Variants in PARD3B observed in about 807,000 individuals in gnomAD.
PARD3B encodes the protein partitioning defective 3 homolog B.
In PARD3B, 103 loss-of-function variants were observed where a neutral mutation model predicts 130.2. The observed-to-expected ratio is 0.79, with a 90% CI of 0.67 to 0.93. The LOEUF (loss-of-function observed/expected upper bound fraction) is 0.93. Ranked by LOEUF, PARD3B falls within the 40% of genes least tolerant of loss-of-function variation. The pLI, the probability that PARD3B is intolerant of heterozygous loss-of-function variation, is 0.00. For synonymous variants in PARD3B, 583 were observed against 553.2 expected (o/e 1.05, Z -0.76); for missense variants, 1,609 against 1,499.2 (o/e 1.07, Z -1.21).
At chr2:204,950,798 A>G (rs1689704282) in intron 2 of PARD3B, among the ~76,000 whole-genome samples, 1 of 152,170 alleles carries the variant, frequency 6.6e-6, no homozygotes, top group South Asian at 2.1e-4. Context: ...ATTGCAGAAG[A>G]TATCTCATAG....
At chr2:204,723,209 T>G (rs2039074146) in intron 2 of PARD3B, among the ~76,000 whole-genome samples, 1 of 152,186 alleles carries the variant, frequency 6.6e-6, no homozygotes, top group African/African-American at 2.4e-5. Flanking sequence ...GTAGATTGGT[T>G]TTAAGTTGAC....
chr2:204,948,910 C>T (rs1689547950), intron 2 of PARD3B, among the ~76,000 whole-genome samples: 1 of 151,928 alleles, frequency 6.6e-6, no homozygotes, highest in Non-Finnish European at 1.5e-5. Flanking sequence ...CCTATACAAA[C>T]AAAATAAATT....
chr2:204,724,472 A>C (rs2039130701), intron 2 of PARD3B, among the ~76,000 whole-genome samples: 2 of 152,174 alleles, frequency 1.3e-5, no homozygotes, highest in African/African-American at 4.8e-5. Flanking sequence ...TCATCTAGGT[A>C]TTCCCTCACT....
chr2:205,520,759 TA>T (rs1358489568), intron 21 of PARD3B, among the ~76,000 whole-genome samples: 5 of 152,112 alleles, frequency 3.3e-5, no homozygotes, highest in South Asian at 2.1e-4. Flanking sequence ...ATTTAAGTCA[TA>T]TTTTTTTACT....
At chr2:205,612,207 T>C (rs908392531) in intron 22 of PARD3B, among the ~76,000 whole-genome samples, 2 of 152,198 alleles carry the variant, frequency 1.3e-5, no homozygotes, top group Non-Finnish European at 2.9e-5. Flanking sequence ...AGATGGAGTG[T>C]AGCGGCACAA....
intron 3 of PARD3B, among the ~76,000 whole-genome samples, chr2:204,972,807 C>T (rs762071055): frequency 6.6e-6 from 1 of 152,114 alleles, no homozygotes; most frequent in South Asian, 2.1e-4. Flanking sequence ...AATAAACAAA[C>T]GGAATGAAAG....
intron 1 of PARD3B, among the ~76,000 whole-genome samples, chr2:204,557,861 T>G (rs1471985636): frequency 6.6e-6 from 1 of 152,210 alleles, no homozygotes; most frequent in East Asian, 1.9e-4. Flanking sequence ...TCTGTAGTTA[T>G]GGATTTTCCA....
At chr2:204,617,033 C>G (rs771746855) in intron 1 of PARD3B, among the ~76,000 whole-genome samples, 7 of 152,046 alleles carry the variant, frequency 4.6e-5, no homozygotes, top group Non-Finnish European at 7.4e-5. Context: ...CTTTAAAAAC[C>G]CATGCCAAAG....
intron 1 of PARD3B, among the ~76,000 whole-genome samples, chr2:204,576,223 A>G (rs2032251292): frequency 6.6e-6 from 1 of 152,116 alleles, no homozygotes; most frequent in Non-Finnish European, 1.5e-5. Context: ...GGGTGCCCTA[A>G]AGAGAACTGC....
chr2:204,873,686 A>G (rs2045724753), intron 2 of PARD3B, among the ~76,000 whole-genome samples: 1 of 152,222 alleles, frequency 6.6e-6, no homozygotes, highest in South Asian at 2.1e-4. Flanking sequence ...GAGTAGCTAG[A>G]AACAGCCCTG....
chr2:204,996,625 G>C (rs1303428307), intron 3 of PARD3B, among the ~76,000 whole-genome samples: 10 of 150,568 alleles, frequency 6.6e-5, no homozygotes, highest in African/African-American at 4.9e-5. Context: ...CGAGCTTCCC[G>C]GCTGCTTTGT....
At chr2:204,832,697 G>A (rs577788189) in intron 2 of PARD3B, among the ~76,000 whole-genome samples, 35 of 152,182 alleles carry the variant, frequency 2.3e-4, no homozygotes, top group Non-Finnish European at 4.1e-4. Flanking sequence ...GAGTAGTGAG[G>A]AACCTCTTTA....
At chr2:204,666,554 A>G (rs1460871811) in intron 1 of PARD3B, among the ~76,000 whole-genome samples, 2 of 152,122 alleles carry the variant, frequency 1.3e-5, no homozygotes. Flanking sequence ...CTTGGCCCAG[A>G]GAGTAGTTGT....
chr2:205,478,322 G>A (rs2049099562), intron 20 of PARD3B, among the ~76,000 whole-genome samples: 2 of 152,098 alleles, frequency 1.3e-5, no homozygotes, highest in Non-Finnish European at 2.9e-5. Context: ...CCTTTACTAG[G>A]CCCAACCAGT....
chr2:205,083,001 C>T (rs1289843440), intron 4 of PARD3B, among the ~76,000 whole-genome samples: 4 of 150,122 alleles, frequency 2.7e-5, no homozygotes, highest in Non-Finnish European at 5.9e-5. Flanking sequence ...CTCACTGCAA[C>T]CTCTGCCTAC....
rs145866406 is a variant in PARD3B at position 204,617,760 on chromosome 2, A to G, written c.121-68421A>G. Among the ~76,000 whole-genome samples, 152 of 152,196 alleles carry G rather than the reference A, an allele frequency of 1.0e-3. 1 individual carries two copies. The highest frequency in any genetic ancestry group is 3.9e-3 in the Admixed American group (60 of 15,274). On this transcript the variant is annotated intron_variant, in intron 1 of 22. Transcript: ENST00000406610. ...CCTTCTTTGTGTCCATGTGTACTCA[A>G]TGTTCAGCTTCCACTTATAAGTGAC...
At chr2:205,437,112 G>A (rs2047544322) in intron 19 of PARD3B, among the ~76,000 whole-genome samples, 1 of 152,116 alleles carries the variant, frequency 6.6e-6, no homozygotes, top group Non-Finnish European at 1.5e-5. Context: ...CATGGCTGGA[G>A]ATGCAGCCAT....
chr2:205,219,552 C>T (rs984988973), intron 15 of PARD3B, among the ~76,000 whole-genome samples: 6 of 151,978 alleles, frequency 3.9e-5, no homozygotes, highest in East Asian at 1.9e-4. Flanking sequence ...TACTTCAATT[C>T]GTGCCAGAAG....
At position 204,687,093 on chromosome 2, in the gene PARD3B, C is replaced by G. The variant is rs181204545; in HGVS notation, c.222+811C>G. 3.6e-3 allele frequency among the ~76,000 whole-genome samples: 544 copies of G among 152,068 alleles called. 5 individuals carry two copies. Among genetic ancestry groups the G allele is most frequent in the African/African-American group, 0.012 (509 of 41,508 alleles). On this transcript the variant is annotated intron_variant, in intron 2 of 22. Transcript: ENST00000406610. The stretch of plus-strand genomic sequence containing the variant: ...AATTTATATTTGGAAACATGTTTCT[C>G]TATATTTTTTCCCTGTAATCTCAGG...
Sources: allele counts gnomAD v4.1 joint callset (sites outside exome capture counted in the v4.1 genomes callset), GRCh38; gene constraint gnomAD v4.1.1; transcripts MANE v1.5; gene names NCBI Gene and HGNC (gene_info 2026-07-23, HGNC 2026-07-21).